The following PRKCE variants were observed in gnomAD, a reference collection of about 807,000 sequenced individuals.
The protein encoded by PRKCE is protein kinase C epsilon, also known as protein kinase C epsilon type.
Under a neutral mutation model 85.4 loss-of-function variants are expected in PRKCE, and 16 were observed. That is an observed-to-expected ratio of 0.19 (90% CI 0.13 to 0.28). The LOEUF (loss-of-function observed/expected upper bound fraction) is 0.28, where lower values mean the gene tolerates loss of function less well. Ranked by LOEUF, PRKCE falls within the 10% of genes least tolerant of loss-of-function variation. The pLI is 1.00. For synonymous variants in PRKCE, 388 were observed against 371.5 expected, an observed-to-expected ratio of 1.04 and a Z score of -0.51; for missense variants, 573 against 975.2, an observed-to-expected ratio of 0.59 and a Z score of 5.49.
intron 1 of PRKCE, among the ~76,000 whole-genome samples, chr2:45,838,365 G>A (rs1242634446): frequency 6.6e-6 from 1 of 152,218 alleles, no homozygotes; most frequent in East Asian, 1.9e-4. Flanking sequence ...CTGGCTGAAA[G>A]CTCTCTAAGC....
intron 1 of PRKCE, among the ~76,000 whole-genome samples, chr2:45,778,049 G>A (rs761477316): frequency 6.1e-5 from 8 of 131,290 alleles, no homozygotes; most frequent in Non-Finnish European, 1.1e-4. Context: ...TTTGGGAGGA[G>A]CAAGTCAATT....
intron 6 of PRKCE, among the ~76,000 whole-genome samples, chr2:45,986,104 A>G (rs1204696141): frequency 6.6e-6 from 1 of 152,286 alleles, no homozygotes; most frequent in Non-Finnish European, 1.5e-5. Flanking sequence ...GTAGCAAAGA[A>G]TGGCACCATG....
At chr2:45,814,600 C>T (rs1384731394) in intron 1 of PRKCE, among the ~76,000 whole-genome samples, 1 of 152,182 alleles carries the variant, frequency 6.6e-6, no homozygotes, top group Non-Finnish European at 1.5e-5. Flanking sequence ...TGGGATACTC[C>T]CTCATCACCA....
chr2:45,742,068 C>T (rs527390889), intron 1 of PRKCE, among the ~76,000 whole-genome samples: 26 of 152,016 alleles, frequency 1.7e-4, no homozygotes, highest in African/African-American at 5.1e-4. Context: ...GGATATCACA[C>T]GAAAAGCACA....
At chr2:46,090,306 T>G (rs2345952) in intron 11 of PRKCE, among the ~76,000 whole-genome samples, 1 of 151,506 alleles carries the variant, frequency 6.6e-6, no homozygotes, top group East Asian at 1.9e-4. Context: ...CAGGACCTCT[T>G]CAAGCACTCC....
At chr2:46,164,689 C>G (rs962488699) in intron 14 of PRKCE, 6 of 152,316 alleles carry the variant, frequency 3.9e-5, no homozygotes, top group Non-Finnish European at 8.8e-5. Flanking sequence ...TTACAAGAGC[C>G]AGGATGCAGT....
intron 10 of PRKCE, among the ~76,000 whole-genome samples, chr2:46,021,212 G>C (rs371334468): frequency 6.6e-6 from 1 of 152,172 alleles, no homozygotes; most frequent in African/African-American, 2.4e-5. Context: ...CTAGGAAGCC[G>C]TGAGGAAGAC....
At chr2:46,058,445 C>T (rs1408238787) in intron 10 of PRKCE, among the ~76,000 whole-genome samples, 1 of 152,178 alleles carries the variant, frequency 6.6e-6, no homozygotes. Flanking sequence ...TTTAATCAAC[C>T]AAACTTCAAC....
At chr2:45,722,965 G>A (rs888109545) in intron 1 of PRKCE, among the ~76,000 whole-genome samples, 1 of 152,180 alleles carries the variant, frequency 6.6e-6, no homozygotes, top group Non-Finnish European at 1.5e-5. Flanking sequence ...GCCGGGTGTG[G>A]TGGAGGGGCA....
rs1703738944 is a variant in PRKCE at position 45,990,879 on chromosome 2, C to T, written c.823+6199C>T. ...GTTTCACCATGTTGGCCAGGCTGGT[C>T]TCAAACTCCTGACCTCAAGTGATCC... On this transcript the variant is annotated intron_variant, in intron 6 of 14. Coordinates refer to ENST00000306156, the MANE Select transcript of PRKCE (RefSeq NM_005400.3). Among the ~76,000 whole-genome samples the T allele has an allele frequency of 2.0e-5, 3 of 152,096 alleles. No homozygotes were observed. The South Asian group carries it at 6.2e-4, about 32-fold the overall frequency.
At chr2:45,938,142 C>A (rs1017207389) in intron 2 of PRKCE, among the ~76,000 whole-genome samples, 2 of 152,176 alleles carry the variant, frequency 1.3e-5, no homozygotes, top group African/African-American at 4.8e-5. Context: ...AAAGACTGTT[C>A]ACACCCACAT....
chr2:45,671,337 G>A (rs1438700940), intron 1 of PRKCE, among the ~76,000 whole-genome samples: 1 of 152,190 alleles, frequency 6.6e-6, no homozygotes, highest in Non-Finnish European at 1.5e-5. Context: ...ATGAGCACCT[G>A]GATGTCTTGC....
intron 1 of PRKCE, among the ~76,000 whole-genome samples, chr2:45,669,231 A>T (rs1676046022): frequency 6.6e-6 from 1 of 152,166 alleles, no homozygotes; most frequent in Non-Finnish European, 1.5e-5. Flanking sequence ...TTTTAAGGGG[A>T]AAAGGGGAGG....
intron 14 of PRKCE, among the ~76,000 whole-genome samples, chr2:46,171,898 G>A (rs1360441203): frequency 2.0e-5 from 3 of 152,184 alleles, no homozygotes; most frequent in African/African-American, 7.2e-5. Context: ...CCAGTTATGA[G>A]GAGTACCAGG....
At chr2:45,953,177 C>G (rs2104352030) in intron 2 of PRKCE, among the ~76,000 whole-genome samples, 1 of 152,342 alleles carries the variant, frequency 6.6e-6, no homozygotes, top group Non-Finnish European at 1.5e-5. Context: ...GCAAATGCAT[C>G]TGTAATGCCC....
chr2:45,798,480 G>A (rs1346257061), intron 1 of PRKCE, among the ~76,000 whole-genome samples: 2 of 152,174 alleles, frequency 1.3e-5, no homozygotes, highest in Non-Finnish European at 2.9e-5. Flanking sequence ...CATATACAAT[G>A]TGTCCAAATA....
At chr2:46,055,528 A>C (rs1177849648) in intron 10 of PRKCE, among the ~76,000 whole-genome samples, 1 of 152,194 alleles carries the variant, frequency 6.6e-6, no homozygotes, top group African/African-American at 2.4e-5. Context: ...GCAATAGGAT[A>C]CCCTTTGTCT....
At chr2:46,117,836 CT>C (rs1242155635) in intron 11 of PRKCE, among the ~76,000 whole-genome samples, 1 of 152,156 alleles carries the variant, frequency 6.6e-6, no homozygotes, top group East Asian at 1.9e-4. Flanking sequence ...ATCACTGAAT[CT>C]TTGTCAACTA....
intron 1 of PRKCE, among the ~76,000 whole-genome samples, chr2:45,763,722 A>G (rs1382008427): frequency 1.3e-5 from 2 of 152,144 alleles, no homozygotes; most frequent in African/African-American, 4.8e-5. Flanking sequence ...CGCTAAAGTC[A>G]GGAAGGGCCC....
Sources: gnomAD v4.1 joint callset for allele counts (sites outside exome capture counted in the v4.1 genomes callset) on GRCh38, gnomAD v4.1.1 for gene constraint, MANE v1.5 for transcripts, NCBI Gene and HGNC (gene_info 2026-07-23, HGNC 2026-07-21) for gene names.